USP20: variants seen among roughly 807,000 people sequenced by gnomAD.
USP20 encodes ubiquitin carboxyl-terminal hydrolase 20.
In USP20, 80 loss-of-function variants were observed where a neutral mutation model predicts 124.2. The observed-to-expected ratio is 0.64, with a 90% CI of 0.54 to 0.78. The LOEUF is 0.78. Among genes scored for constraint, USP20 ranks in the 30% least tolerant of loss-of-function variants. USP20 has a pLI of 0.00. For synonymous variants in USP20, 481 were observed against 512.3 expected (o/e 0.94, Z 0.83); for missense variants, 1,043 against 1,244.4 (o/e 0.84, Z 2.44).
At chr9:129,841,349 G>A (rs1420003748) in intron 1 of USP20, among the ~76,000 whole-genome samples, 1 of 152,152 alleles carries the variant, frequency 6.6e-6, no homozygotes, top group Non-Finnish European at 1.5e-5. Context: ...ATTAGGGCCT[G>A]CCCTAAAGAT....
In USP20 at chr9:129,879,633, A is replaced by C; in HGVS notation, c.2573A>C (p.Gln858Pro). The C allele has an allele frequency of 1.2e-6, 2 of 1,613,940 alleles. No homozygotes were observed. The highest frequency in any genetic ancestry group is 1.7e-6 in the Non-Finnish European group (2 of 1,179,982). ...CAGGTCAAAGGAAGCGGCCATGTCC[A>C]GCTGAAGCAGGGTGAGTTCCCCCTG... is the stretch of plus-strand genomic sequence containing the variant. ...IAQVKGSGHV[Q>P]LKQGADYGQI... Residue 858 changes from glutamine to proline, a missense_variant, in exon 24 of 26, where the codon CAG (glutamine) becomes CCG (proline). Gln to Pro is a moderately conservative substitution (Grantham distance 76). Transcript: ENST00000372429. This position sits in a 1 kb window ranked among gnomAD's most constrained non-coding sequence, Gnocchi z 4.2.
Position 129,875,585 on chromosome 9 carries a change from C to T in USP20, c.2244C>T (p.Tyr748=), listed in dbSNP as rs747860784. ...GCATCCCGCCCCACAAATACCACTA[C>T]ATCGACGACCTGGTGGTCATCCTGC... ...HGGIPPHKYH[Y]IDDLVVILPQ... is the part of the protein sequence containing the mutation. Residue 748 remains tyrosine (Y), a synonymous_variant, in exon 21 of 26, where the codon TAC becomes TAT. Transcript: ENST00000372429. 1.2e-6 allele frequency: 2 copies of T among 1,614,138 alleles called. No homozygotes were observed. The highest frequency in any genetic ancestry group is 1.1e-5 in the South Asian group (1 of 91,088).
rs377721339 is a variant in USP20, at chr9:129,870,531, C to G, written c.1644C>G (p.Ala548=). ...AAGACTGCCTTGCTGCCTTCTTTGC[C>G]GCTGATGAGTTAAAGGGTGAGGGGC... The part of the protein sequence containing the change: ...TLEDCLAAFF[A]ADELKGDNMY... The change falls in exon 15 of 26, where the codon GCC becomes GCG. Residue 548 remains alanine, a synonymous_variant. Transcript: ENST00000372429. 1.2e-6 allele frequency: 2 copies of G among 1,613,894 alleles called. No homozygotes were observed. The highest frequency in any genetic ancestry group is 1.7e-6 in the Non-Finnish European group (2 of 1,180,000).
In USP20 at chr9:129,868,364, G is replaced by A; in HGVS notation, c.1050G>A (p.Val350=). 6.3e-7 allele frequency: 1 copy of A among 1,599,246 alleles called. No homozygotes were observed. Among genetic ancestry groups the A allele is most frequent in the Non-Finnish European group, 8.5e-7 (1 of 1,175,492 alleles). ...AGCAAGTGGACGAGGACGCTGATGT[G>A]GACACTGCCATGGCTGCCCTTGACG... ...NSEQVDEDAD[V]DTAMAALDDQ... Residue 350 remains valine (V), a synonymous_variant, in exon 11 of 26, where the codon GTG becomes GTA. Coordinates refer to ENST00000372429, the MANE Select transcript of USP20 (RefSeq NM_001110303.4).
chr9:129,878,549 C>T (rs1423542620), intron 23 of USP20, 109 bp downstream of exon 23: 2 of 945,874 alleles, frequency 2.1e-6, no homozygotes, highest in Non-Finnish European at 3.1e-6. Context: ...CCCATGCCTG[C>T]CCCCAGGTGC....
At chr9:129,848,064 A>T (rs2032687376) in intron 1 of USP20, among the ~76,000 whole-genome samples, 2 of 152,136 alleles carry the variant, frequency 1.3e-5, no homozygotes, top group Admixed American at 1.3e-4. Context: ...TGGGAGGCTG[A>T]GGCAGGCGGA....
intron 1 of USP20, among the ~76,000 whole-genome samples, chr9:129,836,368 T>C (rs1403078721): frequency 6.6e-6 from 1 of 152,186 alleles, no homozygotes; most frequent in Non-Finnish European, 1.5e-5. Context: ...TAGATTGTTT[T>C]TCGTTTTACA....
chr9:129,873,689 TC>T lies in USP20; in HGVS notation c.1695-8del, dbSNP rs2034246117. On this transcript the variant is annotated splice_polypyrimidine_tract_variant and intron_variant, in intron 16 of 25. Transcript: ENST00000372429. ...CCGGACACTGATGCTGGCTCGTGCT[TC>T]CTCCCCAGGCTGCGGAACGGAGTGA... is the stretch of plus-strand genomic sequence containing the variant. 6.2e-7 allele frequency: 1 copy of T among 1,613,572 alleles called. No homozygotes were observed. Among genetic ancestry groups the T allele is most frequent in the South Asian group, 1.1e-5 (1 of 91,080 alleles).
intron 8 of USP20, 57 bp from the exon 9 acceptor site, chr9:129,863,128 TA>T: frequency 1.4e-6 from 2 of 1,395,382 alleles, no homozygotes; most frequent in Middle Eastern, 2.6e-4. Context: ...CAGCCCTTTC[TA>T]AACTGCCGCA....
rs566198735 is a variant in USP20 at position 129,856,225 on chromosome 9, T to C, written c.82-82T>C. On this transcript the variant is annotated intron_variant, in intron 3 of 25. Coordinates refer to ENST00000372429, the MANE Select transcript of USP20 (RefSeq NM_001110303.4). ...AGTGCATGTCAGCCAGGTGGGGCCC[T>C]CCAGGCAGGAGCAGTCTCAGTGCTC... 60 of 1,428,864 alleles carry C rather than the reference T, an allele frequency of 4.2e-5. No homozygotes were observed. The Admixed American group carries it at 5.9e-4, about 14-fold the overall frequency. The allele number at this position is 1,428,864 out of a possible 1,614,324, so 88.5% of individuals were successfully genotyped here. A position where few individuals can be genotyped will look rare whatever the true frequency, so the allele number is the denominator to read the frequency against.
rs541164870 is a variant in USP20 at position 129,863,094 on chromosome 9, G to A, written c.498-92G>A. 1.6e-3 allele frequency: 1,495 copies of A among 954,412 alleles called. 3 individuals carry two copies. The highest frequency in any genetic ancestry group is 2.0e-3 in the Non-Finnish European group (1,342 of 672,400). The allele number at this position is 954,412 out of a possible 1,614,324, so 59.1% of individuals were successfully genotyped here. On this transcript the variant is annotated intron_variant, in intron 8 of 25. Coordinates refer to ENST00000372429, the MANE Select transcript of USP20 (RefSeq NM_001110303.4). ...TCCAGGGCCACTGTGCTCCCTGTGCGAGCACTCAGGGCTCCCCGCTATGCA... is the reference window on the plus strand; with the variant it reads ...TCCAGGGCCACTGTGCTCCCTGTGCAAGCACTCAGGGCTCCCCGCTATGCA...
At chr9:129,853,923 A>G (rs914725295) in intron 3 of USP20, among the ~76,000 whole-genome samples, 1 of 152,170 alleles carries the variant, frequency 6.6e-6, no homozygotes, top group Non-Finnish European at 1.5e-5. Context: ...TGTGTGTCAG[A>G]GATCACAACT....
At chr9:129,856,249 T>C (rs2033209296) in intron 3 of USP20, 58 bp from the exon 4 acceptor site, 14 of 1,560,116 alleles carry the variant, frequency 9.0e-6, no homozygotes, top group Non-Finnish European at 1.2e-5. Flanking sequence ...GTCTCAGTGC[T>C]CAGCCCCGCA....
chr9:129,869,913 G>C (rs2034033687), intron 14 of USP20, 69 bp downstream of exon 14: 10 of 1,569,918 alleles, frequency 6.4e-6, no homozygotes, highest in Non-Finnish European at 8.7e-6. Context: ...GCGGGAGACA[G>C]TACACAGTGA....
Position 129,873,527 on chromosome 9 carries a change from T to G in USP20, c.1694+12T>G. ...GAGCGGTGTAAGAAGTAAGTGAGCCTTCCCCCGCCTTCTCCCTAACTGCCG... is the reference window on the plus strand; with the variant it reads ...GAGCGGTGTAAGAAGTAAGTGAGCCGTCCCCCGCCTTCTCCCTAACTGCCG... On this transcript the variant is annotated intron_variant, in intron 16 of 25. Coordinates refer to ENST00000372429, the MANE Select transcript of USP20 (RefSeq NM_001110303.4). 6.2e-7 allele frequency: 1 copy of G among 1,614,202 alleles called. No individual in the cohort carries two copies. Among genetic ancestry groups the G allele is most frequent in the Non-Finnish European group, 8.5e-7 (1 of 1,180,024 alleles).
In USP20 at chr9:129,879,504, T is replaced by C; in HGVS notation, c.2513-69T>C. On this transcript the variant is annotated intron_variant, in intron 23 of 25. Transcript: ENST00000372429. The surrounding 1 kb of genome is among the most constrained non-coding windows in gnomAD (Gnocchi z 4.2). Reference sequence around the variant, plus strand: ...AGGCCTGGGGCGGCCCCACTTGGGATGGCTCTGCTGCTGTGGAGGGTGGAG... The same window carrying C: ...AGGCCTGGGGCGGCCCCACTTGGGACGGCTCTGCTGCTGTGGAGGGTGGAG... 6.4e-7 allele frequency: 1 copy of C among 1,561,276 alleles called. No homozygotes were observed. Among genetic ancestry groups the C allele is most frequent in the Non-Finnish European group, 8.8e-7 (1 of 1,136,708 alleles).
chr9:129,838,837 A>G (rs1346230254), intron 1 of USP20, among the ~76,000 whole-genome samples: 6 of 152,196 alleles, frequency 3.9e-5, no homozygotes, highest in Non-Finnish European at 7.4e-5. Flanking sequence ...GCTGCAGCCT[A>G]GGGTAGCCCC....
In USP20 at chr9:129,840,285, C is replaced by T. The variant is rs139646709; in HGVS notation, c.-129+4786C>T. On this transcript the variant is annotated intron_variant, in intron 1 of 25. Transcript: ENST00000372429. ...GAAAGAGTGGGGAAAGCAGACACAA[C>T]CTGCTCGCTTCCTGCTGTGTTGCTT... Among the ~76,000 whole-genome samples, 172 of 152,100 alleles carry T rather than the reference C, an allele frequency of 1.1e-3. 1 individual carries two copies. The Middle Eastern group carries it at 0.02, about 18-fold the overall frequency.
At chr9:129,840,062 C>G (rs1020773069) in intron 1 of USP20, among the ~76,000 whole-genome samples, 13 of 152,112 alleles carry the variant, frequency 8.5e-5, no homozygotes, top group Non-Finnish European at 1.8e-4. Flanking sequence ...TCTCCTGCCC[C>G]AAGAGAGGAG....
Sources: gnomAD v4.1 joint callset for allele counts (sites outside exome capture counted in the v4.1 genomes callset) on GRCh38, gnomAD v4.1.1 for gene constraint, Gnocchi (gnomAD v3.1) non-coding constraint, MANE v1.5 for transcripts, NCBI Gene and HGNC (gene_info 2026-07-23, HGNC 2026-07-21) for gene names.